CTSF: variants seen among roughly 807,000 people sequenced by gnomAD.
CTSF encodes the protein cathepsin F.
A neutral mutation model predicts 63.5 loss-of-function variants in CTSF; 65 were observed. The observed-to-expected ratio is 1.02, with a 90% confidence interval of 0.84 to 1.26. The LOEUF is 1.26. Among genes scored for constraint, CTSF ranks in the 50% most tolerant of loss-of-function variants. The pLI is 0.00. For missense variants in CTSF, 641 were observed against 631.0 expected (o/e 1.02, Z -0.17); for synonymous variants, 256 against 258.1 (o/e 0.99, Z 0.08).
At chr11:66,567,814 G>T in intron 2 of CTSF, 152 bp from the exon 3 acceptor site, 1 of 1,363,646 alleles carries the variant, frequency 7.3e-7, no homozygotes. Flanking sequence ...CCTGCACCGG[G>T]GCATCCTCCC....
At chr11:66,567,874 G>A (rs1341073124) in intron 2 of CTSF, 110 bp downstream of exon 2, 1 of 1,440,916 alleles carries the variant, frequency 6.9e-7, no homozygotes, top group Non-Finnish European at 9.4e-7. Flanking sequence ...AGTGGCTCAA[G>A]GTGGGGCAGC....
At position 66,568,281 on chromosome 11, in the gene CTSF, A is replaced by C. The variant is rs571179513; in HGVS notation, c.206T>G (p.Val69Gly). Residue 69 changes from valine to glycine, a missense_variant, in exon 1 of 13, where the codon GTC (valine) becomes GGC (glycine). By Grantham distance (109) the Val-to-Gly change is moderately radical. Coordinates refer to ENST00000310325, the MANE Select transcript of CTSF (RefSeq NM_003793.4). ...CCCCCGGCGCGTCCTCACCCGGCGG[A>C]CGCGGCCGCGCACAAGGCCCAGCAC... ...RAVLGLVRGR[V>G]RRAGQGSLYS... 167 of 1,497,536 alleles carry C rather than the reference A, an allele frequency of 1.1e-4. No individual in the cohort carries two copies. The highest frequency in any genetic ancestry group is 1.0e-3 in the Admixed American group (47 of 46,102). The allele number at this position is 1,497,536 out of a possible 1,614,324, so 92.8% of individuals were successfully genotyped here.
chr11:66,566,269 G>A, intron 5 of CTSF, 22 bp downstream of exon 5: 2 of 1,614,026 alleles, frequency 1.2e-6, no homozygotes, highest in East Asian at 2.2e-5. Flanking sequence ...GGATCCATGA[G>A]GACTGTGGCC....
In CTSF at chr11:66,566,413, C is replaced by G. The variant is rs1421940455; in HGVS notation, c.608-9G>C. On this transcript the variant is annotated splice_polypyrimidine_tract_variant and intron_variant, in intron 4 of 12. Transcript: ENST00000310325. ...CAGGCGCCACCGGGCTTCTGAGGAC[C>G]AAGGAGCAGAAGAGGAGGGGTTCGA... 1 of 1,613,394 alleles carries G rather than the reference C, an allele frequency of 6.2e-7. No homozygotes were observed. The highest frequency in any genetic ancestry group is 1.7e-5 in the Admixed American group (1 of 59,978).
rs1857991122 is a variant in CTSF, at chr11:66,568,597, G to T, written c.-111C>A. ...CCTCCCTCCAGCGGGGCGACGGCAC[G>T]CCGACCAATGGGCGCTGGTTTGCGG... On this transcript the variant is annotated 5_prime_UTR_variant, in exon 1 of 13. Transcript: ENST00000310325. The T allele has an allele frequency of 7.9e-7, 1 of 1,264,214 alleles. No individual in the cohort carries two copies. Among genetic ancestry groups the T allele is most frequent in the Non-Finnish European group, 1.0e-6 (1 of 965,972 alleles). The allele number at this position is 1,264,214 out of a possible 1,614,324, so 78.3% of individuals were successfully genotyped here.
chr11:66,567,644 G>A lies in CTSF; in HGVS notation c.331C>T (p.Leu111=), dbSNP rs753344778. 2 of 1,614,048 alleles carry A rather than the reference G, an allele frequency of 1.2e-6. No homozygotes were observed. Among genetic ancestry groups the A allele is most frequent in the South Asian group, 2.2e-5 (2 of 91,078 alleles). The part of the protein sequence containing the change: ...KKTLLCSFQV[L]DELGRHVLLR... ...AGCACGTGTCTTCCGAGCTCATCCA[G>A]GACTTGGAAGCTGCAGAGCTGGAGG... Residue 111 remains leucine, a synonymous_variant, in exon 3 of 13, where the codon CTG becomes TTG. Transcript: ENST00000310325.
chr11:66,564,649 C>CTGGAGG lies in CTSF; in HGVS notation c.1231-7_1231-2dup. ...GGCGGGAGATCCCGTGGCGGTAAAA[C>CTGGAGG]TGGAGGTGGAGAAGGAGTAGGGGAT... On this transcript the variant is annotated splice_acceptor_variant, in intron 10 of 12. Coordinates refer to ENST00000310325, the MANE Select transcript of CTSF (RefSeq NM_003793.4). LOFTEE classifies it high-confidence loss of function. 6.2e-7 allele frequency: 1 copy of CTGGAGG among 1,611,510 alleles called. No homozygotes were observed.
rs924071157 is a variant in CTSF at position 66,568,335 on chromosome 11, T to G, written c.152A>C (p.Asn51Thr). The G allele has an allele frequency of 1.5e-6, 2 of 1,312,216 alleles. No homozygotes were observed. Among genetic ancestry groups the G allele is most frequent in the Non-Finnish European group, 1.9e-6 (2 of 1,040,570 alleles). The allele number at this position is 1,312,216 out of a possible 1,614,324, so 81.3% of individuals were successfully genotyped here. The change falls in exon 1 of 13, where the codon AAC becomes ACC. Residue 51 changes from asparagine to threonine, a missense_variant. By Grantham distance (65) the Asn-to-Thr change is moderately conservative. Coordinates refer to ENST00000310325, the MANE Select transcript of CTSF (RefSeq NM_003793.4). ...APTRFALEMF[N>T]RGRAAGTRAV... ...CCGCGTCCCCGCAGCCCGGCCGCGG[T>G]TGAACATCTCCAGCGCGAAGCGGGT... is the stretch of plus-strand genomic sequence containing the variant.
Position 66,567,240 on chromosome 11 carries a change from C to T in CTSF, c.607+6G>A. On this transcript the variant is annotated splice_donor_region_variant and intron_variant, in intron 4 of 12. Transcript: ENST00000310325. ...GGAACAGGTACAGCCAAGGCTGGGT[C>T]CTCACCTTCCTTTGACTCATATGTC... is the stretch of plus-strand genomic sequence containing the variant. 3.7e-6 allele frequency: 6 copies of T among 1,614,148 alleles called. No individual in the cohort carries two copies. The highest frequency in any genetic ancestry group is 5.1e-6 in the Non-Finnish European group (6 of 1,180,024).
rs765758974 is a variant in CTSF, at chr11:66,567,559, G to A, written c.416C>T (p.Ser139Leu). The change falls in exon 3 of 13, where the codon TCA (serine) becomes TTA (leucine). Residue 139 changes from serine (S) to leucine (L), a missense_variant. Physicochemically the swap from Ser to Leu is moderately radical, Grantham distance 145. Coordinates refer to ENST00000310325, the MANE Select transcript of CTSF (RefSeq NM_003793.4). ...TKVPGAGEPK[S>L]AFTQGSAMIS... The stretch of plus-strand genomic sequence containing the variant: ...CATGGCTGAGCCCTGAGTGAAGGCT[G>A]ACTTGGGCTCCCCAGCACCTGGAAC... 6.2e-7 allele frequency: 1 copy of A among 1,614,228 alleles called. No homozygotes were observed. The highest frequency in any genetic ancestry group is 8.5e-7 in the Non-Finnish European group (1 of 1,180,038).
Position 66,568,047 on chromosome 11 carries a change from G to A in CTSF, c.249C>T (p.Thr83=), listed in dbSNP as rs893061612. ...GQGSLYSLEA[T]LEEPPCNDPM... Reference sequence around the variant, plus strand: ...GGTCGTTGCAGGGTGGCTCCTCCAGGGTGGCCTCCAGGGAGTACAGCGACC... The same window carrying A: ...GGTCGTTGCAGGGTGGCTCCTCCAGAGTGGCCTCCAGGGAGTACAGCGACC... The change falls in exon 2 of 13, where the codon ACC becomes ACT. Residue 83 remains threonine, a synonymous_variant. Transcript: ENST00000310325. 1 of 1,603,344 alleles carries A rather than the reference G, an allele frequency of 6.2e-7. No individual in the cohort carries two copies. The highest frequency in any genetic ancestry group is 1.3e-5 in the African/African-American group (1 of 74,148).
chr11:66,567,512 G>T lies in CTSF; in HGVS notation c.463C>A (p.His155Asn), dbSNP rs1291422686. The change falls in exon 3 of 13, where the codon CAT becomes AAT. Residue 155 changes from histidine (H) to asparagine (N), a missense_variant. By Grantham distance (68) the His-to-Asn change is moderately conservative. Coordinates refer to ENST00000310325, the MANE Select transcript of CTSF (RefSeq NM_003793.4). Reference protein sequence around the residue: ...SAMISSLSQNHPDNRNETFSS... With the variant: ...SAMISSLSQNNPDNRNETFSS... Reference sequence around the variant, plus strand: ...AAAGTCTCGTTTCTGTTGTCTGGATGGTTTTGGGACAGAGAAGAAATCATG... The same window carrying T: ...AAAGTCTCGTTTCTGTTGTCTGGATTGTTTTGGGACAGAGAAGAAATCATG... 3 of 1,614,104 alleles carry T rather than the reference G, an allele frequency of 1.9e-6. No individual in the cohort carries two copies. The highest frequency in any genetic ancestry group is 2.5e-6 in the Non-Finnish European group (3 of 1,180,040).
Position 66,568,308 on chromosome 11 carries a change from G to C in CTSF, c.179C>G (p.Ala60Gly). The C allele has an allele frequency of 7.5e-7, 1 of 1,337,644 alleles. No individual in the cohort carries two copies. Among genetic ancestry groups the C allele is most frequent in the Non-Finnish European group, 9.5e-7 (1 of 1,055,660 alleles). The allele number at this position is 1,337,644 out of a possible 1,614,324, so 82.9% of individuals were successfully genotyped here. A position where few individuals can be genotyped will look rare whatever the true frequency, so the allele number is the denominator to read the frequency against. The stretch of plus-strand genomic sequence containing the variant: ...GCGGCCGCGCACAAGGCCCAGCACG[G>C]CCCGCGTCCCCGCAGCCCGGCCGCG... The part of the protein sequence containing the change: ...FNRGRAAGTR[A>G]VLGLVRGRVR... Residue 60 changes from alanine (A) to glycine (G), a missense_variant, in exon 1 of 13, where the codon GCC becomes GGC. By Grantham distance (60) the Ala-to-Gly change is moderately conservative (BLOSUM62 0). Coordinates refer to ENST00000310325, the MANE Select transcript of CTSF (RefSeq NM_003793.4).
intron 8 of CTSF, 39 bp from the exon 9 acceptor site, chr11:66,565,045 C>A: frequency 6.6e-7 from 1 of 1,518,924 alleles, no homozygotes; most frequent in Non-Finnish European, 8.8e-7. Context: ...GGGCAGGCTC[C>A]CATTTGCCAT....
In CTSF at chr11:66,567,559, G is replaced by T. The variant is rs765758974; in HGVS notation, c.416C>A (p.Ser139Ter). ...TKVPGAGEPK[S>*]AFTQGSAMIS... ...CATGGCTGAGCCCTGAGTGAAGGCT[G>T]ACTTGGGCTCCCCAGCACCTGGAAC... Residue 139 changes from serine (S) to a stop codon, truncating the protein, a stop_gained, in exon 3 of 13, where the codon TCA becomes TAA. Transcript: ENST00000310325. LOFTEE classifies it high-confidence loss of function. 10 of 1,614,108 alleles carry T rather than the reference G, an allele frequency of 6.2e-6. No individual in the cohort carries two copies. In the East Asian group the frequency reaches 2.0e-4, roughly 32 times the overall value.
Position 66,566,410 on chromosome 11 carries a change from G to A in CTSF, c.608-6C>T. The A allele has an allele frequency of 3.1e-6, 5 of 1,613,616 alleles. No individual in the cohort carries two copies. In the Middle Eastern group the frequency reaches 6.7e-4, roughly 215 times the overall value. On this transcript the variant is annotated splice_region_variant and splice_polypyrimidine_tract_variant and intron_variant, in intron 4 of 12. Transcript: ENST00000310325. ...GGACAGGCGCCACCGGGCTTCTGAG[G>A]ACCAAGGAGCAGAAGAGGAGGGGTT...
chr11:66,567,740 A>C, intron 2 of CTSF, 78 bp from the exon 3 acceptor site: 1 of 1,535,930 alleles, frequency 6.5e-7, no homozygotes, highest in Non-Finnish European at 8.7e-7. Context: ...ATGGAGCTGG[A>C]GGCTCCTCAG....
rs1857895637 is a variant in CTSF, at chr11:66,564,924, G to A, written c.1128C>T (p.Tyr376=). ...CNFSAEKAKV[Y]INDSVELSQN... ...GGCTCAGCTCCACGGAGTCATTGAT[G>A]TAGACCTTGGCCTTCTCTGCTGAGA... The change falls in exon 9 of 13, where the codon TAC becomes TAT. Residue 376 remains tyrosine, a synonymous_variant. Coordinates refer to ENST00000310325, the MANE Select transcript of CTSF (RefSeq NM_003793.4). 6.2e-7 allele frequency: 1 copy of A among 1,607,628 alleles called. No homozygotes were observed. Among genetic ancestry groups the A allele is most frequent in the Non-Finnish European group, 8.5e-7 (1 of 1,175,194 alleles).
chr11:66,567,454 G>GGATC lies in CTSF; in HGVS notation c.517_520dup (p.Pro174ArgfsTer23). ...CTGAGGGCTCCTCACCTGGGACAGG[G>GGATC]GATCCTCATTCAACAGGGAAATGAC... On this transcript the variant is annotated frameshift_variant, in exon 3 of 13. Transcript: ENST00000310325. LOFTEE classifies it high-confidence loss of function. 6.2e-7 allele frequency: 1 copy of GGATC among 1,614,060 alleles called. No homozygotes were observed. The highest frequency in any genetic ancestry group is 8.5e-7 in the Non-Finnish European group (1 of 1,179,976).
Sources: gnomAD v4.1 joint callset for allele counts on GRCh38, gnomAD v4.1.1 for gene constraint, MANE v1.5 for transcripts, NCBI Gene and HGNC (gene_info 2026-07-23, HGNC 2026-07-21) for gene names.